The following NMRAL1 variants were observed in gnomAD, a reference collection of about 807,000 sequenced individuals.
NMRAL1 encodes the protein NmrA like redox sensor 1, also known as nmrA-like family domain-containing protein 1.
A neutral mutation model predicts 27.5 loss-of-function variants in NMRAL1; 32 were observed. The ratio of observed to expected loss-of-function variants is 1.16; its 90% CI spans 0.88 to 1.56. The LOEUF (loss-of-function observed/expected upper bound fraction) is 1.56. NMRAL1 is among the 40% of genes most tolerant of loss of function. The pLI is 0.00. For synonymous variants in NMRAL1, 166 were observed against 166.8 expected (o/e 1.00, Z 0.04); for missense variants, 420 against 392.0 (o/e 1.07, Z -0.60).
Position 4,469,345 on chromosome 16 carries a change from ACTT to A in NMRAL1, c.158_160del (p.Glu53del), listed in dbSNP as rs1295014898. On this transcript the variant is annotated inframe_deletion, in exon 3 of 6. Coordinates refer to ENST00000283429, the MANE Select transcript of NMRAL1 (RefSeq NM_020677.6). Reference sequence around the variant, plus strand: ...CTGGTCATCTTGGTCTCCCTGCACTACTTCTGCACCTTGCAGCCTCAGCTCCTT... The same window carrying A: ...CTGGTCATCTTGGTCTCCCTGCACTACTGCACCTTGCAGCCTCAGCTCCTT... The A allele has an allele frequency of 8.7e-6, 14 of 1,613,942 alleles. No individual in the cohort carries two copies. The highest frequency in any genetic ancestry group is 1.2e-5 in the Non-Finnish European group (14 of 1,179,938).
At chr16:4,468,408 G>T (rs185101395) in intron 3 of NMRAL1, among the ~76,000 whole-genome samples, 1 of 152,256 alleles carries the variant, frequency 6.6e-6, no homozygotes, top group East Asian at 1.9e-4. Flanking sequence ...CTGAGGTCAG[G>T]AGTTCAAGAC....
rs143432200 is a variant in NMRAL1, at chr16:4,466,255, T to C, written c.427A>G (p.Ile143Val). ...KGEVEEYFRD[I>V]GVPMTSVRLP... is the part of the protein sequence containing the mutation. Reference sequence around the variant, plus strand: ...CGCACACTGGTCATGGGAACGCCAATGTCCCGGAAATATTCCTCCACCTCC... The same window carrying C: ...CGCACACTGGTCATGGGAACGCCAACGTCCCGGAAATATTCCTCCACCTCC... The change falls in exon 4 of 6, where the codon ATT (isoleucine) becomes GTT (valine). Residue 143 changes from isoleucine to valine, a missense_variant. Coordinates refer to ENST00000283429, the MANE Select transcript of NMRAL1 (RefSeq NM_020677.6). The C allele has an allele frequency of 3.1e-6, 5 of 1,613,996 alleles. No individual in the cohort carries two copies. The South Asian group carries it at 4.4e-5, about 14-fold the overall frequency.
At chr16:4,474,269 G>A in intron 1 of NMRAL1, 103 bp from the exon 2 acceptor site, 1 of 794,500 alleles carries the variant, frequency 1.3e-6, no homozygotes, top group Non-Finnish European at 2.0e-6. Context: ...GTGTCGAAGG[G>A]GGCGGCTGGG....
At chr16:4,465,124 G>A (rs2057269135) in intron 4 of NMRAL1, among the ~76,000 whole-genome samples, 1 of 151,690 alleles carries the variant, frequency 6.6e-6, no homozygotes, top group Non-Finnish European at 1.5e-5. Context: ...ATGCTGGCCA[G>A]GCTGGTCTCA....
rs771361108 is a variant in NMRAL1 at position 4,466,319 on chromosome 16, C to T, written c.363G>A (p.Thr121=). The change falls in exon 4 of 6, where the codon ACG becomes ACA. Residue 121 remains threonine (T), a synonymous_variant. Transcript: ENST00000283429. ...YSGLENIKKL[T]AGRLAAAHFD... is the part of the protein sequence containing the mutation. ...AGTGCGCGGCGGCCAATCTCCCTGC[C>T]GTCAGCTTCTTGATGTTCTCCAGGC... 3.3e-5 allele frequency: 54 copies of T among 1,613,836 alleles called. No homozygotes were observed. The highest frequency in any genetic ancestry group is 4.5e-5 in the Non-Finnish European group (53 of 1,180,024).
Position 4,461,789 on chromosome 16 carries a change from G to A in NMRAL1, c.891C>T (p.Asn297=), listed in dbSNP as rs145081403. Residue 297 remains asparagine (N), a synonymous_variant, in exon 6 of 6, where the codon AAC becomes AAT. Transcript: ENST00000283429. ...CCGCGAGGCGGGCAGGTCACAGCAG[G>A]TTGAAGTCCCCTTTGTGCTGTTCCA... ...QWLEQHKGDF[N]LL 3.0e-4 allele frequency: 479 copies of A among 1,612,220 alleles called. 9 individuals are homozygous for A. The South Asian group carries it at 5.0e-3, about 17-fold the overall frequency.
At chr16:4,462,026 G>C in intron 5 of NMRAL1, 67 bp from the exon 6 acceptor site, 1 of 1,397,100 alleles carries the variant, frequency 7.2e-7, no homozygotes, top group Middle Eastern at 1.9e-4. Context: ...GGGCAGGGAG[G>C]CCGGATGGGC....
chr16:4,464,422 C>T (rs1596384109), intron 4 of NMRAL1, among the ~76,000 whole-genome samples: 1 of 152,124 alleles, frequency 6.6e-6, no homozygotes, highest in African/African-American at 2.4e-5. Context: ...GAATGAATGA[C>T]TCGCAAACTT....
Position 4,474,073 on chromosome 16 carries a change from C to G in NMRAL1, c.40+20G>C. On this transcript the variant is annotated intron_variant, in intron 2 of 5. Transcript: ENST00000283429. ...AGGCGCCCTGGCTCTGCAAGGGCCCCAGTCTGGGGTTTGGCTCACCTGTGC... is the reference window on the plus strand; with the variant it reads ...AGGCGCCCTGGCTCTGCAAGGGCCCGAGTCTGGGGTTTGGCTCACCTGTGC... 6.2e-7 allele frequency: 1 copy of G among 1,606,540 alleles called. No homozygotes were observed. Among genetic ancestry groups the G allele is most frequent in the Non-Finnish European group, 8.5e-7 (1 of 1,174,516 alleles).
At position 4,461,839 on chromosome 16, in the gene NMRAL1, T is replaced by C. The variant is rs2057122412; in HGVS notation, c.841A>G (p.Lys281Glu). 6.2e-7 allele frequency: 1 copy of C among 1,614,152 alleles called. No individual in the cohort carries two copies. The highest frequency in any genetic ancestry group is 1.3e-5 in the African/African-American group (1 of 75,026). ...AGCCACTGGTCCAGCGTCAGGGCCT[T>C]GGGGTTGAGTCTCAGGGTCAGCTCG... ...DIELTLRLNP[K>E]ALTLDQWLEQ... Residue 281 changes from lysine to glutamate, a missense_variant, in exon 6 of 6, where the codon AAG becomes GAG. Coordinates refer to ENST00000283429, the MANE Select transcript of NMRAL1 (RefSeq NM_020677.6).
At position 4,469,437 on chromosome 16, in the gene NMRAL1, T is replaced by C. The variant is rs1456785820; in HGVS notation, c.69A>G (p.Thr23=). The C allele has an allele frequency of 1.2e-6, 2 of 1,613,808 alleles. No individual in the cohort carries two copies. The highest frequency in any genetic ancestry group is 2.2e-5 in the East Asian group (1 of 44,854). Residue 23 remains threonine, a synonymous_variant, in exon 3 of 6, where the codon ACA becomes ACG. Coordinates refer to ENST00000283429, the MANE Select transcript of NMRAL1 (RefSeq NM_020677.6). ...CCTTGAATGTCCCATCTTCCAGGAG[T>C]GTGCGGGCCACGGAGCCACCCTGGG... is the stretch of plus-strand genomic sequence containing the variant. ...TGAQGGSVAR[T]LLEDGTFKVR...
At chr16:4,471,865 A>G (rs79637195) in intron 2 of NMRAL1, among the ~76,000 whole-genome samples, 6,093 of 152,090 alleles carry the variant, frequency 0.04, 184 homozygotes, top group Non-Finnish European at 0.062. Context: ...GCTTGAGGCC[A>G]GGAGTTTGAG....
chr16:4,469,547 A>C, intron 2 of NMRAL1, 82 bp from the exon 3 acceptor site: 1 of 1,581,974 alleles, frequency 6.3e-7, no homozygotes, highest in Non-Finnish European at 8.6e-7. Flanking sequence ...GGAGTGCTCC[A>C]CCACAGCAAG....
At chr16:4,469,642 C>G in intron 2 of NMRAL1, 177 bp from the exon 3 acceptor site, 1 of 1,290,010 alleles carries the variant, frequency 7.8e-7, no homozygotes, top group African/African-American at 1.5e-5. Flanking sequence ...TGGAGTCTCA[C>G]TCTATCACCC....
chr16:4,463,226 G>C (rs1005133063), intron 5 of NMRAL1, among the ~76,000 whole-genome samples: 4 of 152,194 alleles, frequency 2.6e-5, no homozygotes, highest in African/African-American at 7.2e-5. Flanking sequence ...AGGTACCCAA[G>C]AGTCTGTCCA....
In NMRAL1 at chr16:4,474,075, G is replaced by C; in HGVS notation, c.40+18C>G. On this transcript the variant is annotated intron_variant, in intron 2 of 5. Coordinates refer to ENST00000283429, the MANE Select transcript of NMRAL1 (RefSeq NM_020677.6). ...GCGCCCTGGCTCTGCAAGGGCCCCA[G>C]TCTGGGGTTTGGCTCACCTGTGCCT... 6.2e-7 allele frequency: 1 copy of C among 1,607,866 alleles called. No individual in the cohort carries two copies. The highest frequency in any genetic ancestry group is 1.1e-5 in the South Asian group (1 of 90,292).
Position 4,466,104 on chromosome 16 carries a change from T to C in NMRAL1, c.529+49A>G, listed in dbSNP as rs777330496. On this transcript the variant is annotated intron_variant, in intron 4 of 5. Coordinates refer to ENST00000283429, the MANE Select transcript of NMRAL1 (RefSeq NM_020677.6). ...GCCCGCGGTCTGTTACACCAACGGC[T>C]TTACAGGGTGAGAGCTCTGCCTCAC... The C allele has an allele frequency of 1.6e-5, 26 of 1,607,978 alleles. No individual in the cohort carries two copies. In the Middle Eastern group the frequency reaches 6.6e-4, roughly 41 times the overall value.
intron 2 of NMRAL1, among the ~76,000 whole-genome samples, chr16:4,471,061 T>G (rs1043535739): frequency 6.6e-6 from 1 of 150,902 alleles, no homozygotes; most frequent in African/African-American, 2.4e-5. Flanking sequence ...GAGCCGAGAT[T>G]GGGCCACTGC....
chr16:4,465,978 C>G (rs2057306699), intron 4 of NMRAL1, among the ~76,000 whole-genome samples, 175 bp downstream of exon 4: 1 of 152,180 alleles, frequency 6.6e-6, no homozygotes, highest in South Asian at 2.1e-4. Flanking sequence ...GAGCCCATCT[C>G]ACAGAACAGG....
Sources: allele counts gnomAD v4.1 joint callset (sites outside exome capture counted in the v4.1 genomes callset), GRCh38; gene constraint gnomAD v4.1.1; transcripts MANE v1.5; gene names NCBI Gene and HGNC (gene_info 2026-07-23, HGNC 2026-07-21).